The following PHF14 variants were observed in gnomAD, a reference collection of about 807,000 sequenced individuals.
PHF14 encodes the protein PHD finger protein 14.
In PHF14, 55 loss-of-function variants were observed where a neutral mutation model predicts 117.9. The ratio of observed to expected loss-of-function variants is 0.47; its 90% CI spans 0.38 to 0.58. The LOEUF (loss-of-function observed/expected upper bound fraction) is 0.58. PHF14 is among the 20% of genes least tolerant of loss of function. The probability of loss-of-function intolerance (pLI) is 0.00; values close to 1 mark genes in which losing one functional copy is unlikely to be tolerated. For missense variants in PHF14, 978 were observed against 1,122.2 expected (o/e 0.87, Z 1.84); for synonymous variants, 409 against 368.6 (o/e 1.11, Z -1.26).
intron 14 of PHF14, among the ~76,000 whole-genome samples, chr7:11,060,297 GTTAAGT>G (rs911771142): frequency 1.3e-5 from 2 of 152,154 alleles, no homozygotes; most frequent in Non-Finnish European, 2.9e-5. Flanking sequence ...TAAGCTTTGT[GTTAAGT>G]TTAATTGGGT....
At chr7:11,122,550 C>G (rs1787808601) in intron 17 of PHF14, among the ~76,000 whole-genome samples, 2 of 150,618 alleles carry the variant, frequency 1.3e-5, no homozygotes, top group Admixed American at 1.3e-4. Context: ...CTTTCTACCC[C>G]CTGCTGTCCT....
intron 2 of PHF14, among the ~76,000 whole-genome samples, chr7:10,978,943 A>G (rs922281649): frequency 1.3e-5 from 2 of 152,200 alleles, no homozygotes; most frequent in African/African-American, 4.8e-5. Context: ...GTTTTGGTCA[A>G]ACATAGCCCT....
intron 17 of PHF14, among the ~76,000 whole-genome samples, chr7:11,157,674 G>A (rs183799573): frequency 1.3e-5 from 2 of 152,144 alleles, no homozygotes; most frequent in East Asian, 1.9e-4. Context: ...TTTTCTAATG[G>A]TTCTTAAACT....
In PHF14 at chr7:11,135,071, T is replaced by C. The variant is rs977012244; in HGVS notation, c.2772+23604T>C. On this transcript the variant is annotated intron_variant, in intron 17 of 17. Coordinates refer to ENST00000634607, the MANE Select transcript of PHF14 (RefSeq NM_001007157.2). ...ATTGCATCTGTTACAAAATGTTTCC[T>C]GAGAAGTTAGTTTCTTAGATGTACT... Among the ~76,000 whole-genome samples, 9 of 152,266 alleles carry C rather than the reference T, an allele frequency of 5.9e-5. No homozygotes were observed. The East Asian group carries it at 1.7e-3, about 29-fold the overall frequency.
intron 7 of PHF14, among the ~76,000 whole-genome samples, chr7:11,032,613 A>C (rs1727760064): frequency 6.6e-6 from 1 of 152,132 alleles, no homozygotes; most frequent in African/African-American, 2.4e-5. Flanking sequence ...AAAAAAGAAA[A>C]CCTTGAATTT....
At chr7:11,167,280 A>G (rs1303089784) in intron 17 of PHF14, among the ~76,000 whole-genome samples, 2 of 152,182 alleles carry the variant, frequency 1.3e-5, no homozygotes, top group Admixed American at 6.5e-5. Flanking sequence ...ATTAAAGGGT[A>G]TGAGCTTGAT....
intron 7 of PHF14, among the ~76,000 whole-genome samples, chr7:11,031,192 T>C (rs1784109591): frequency 6.7e-6 from 1 of 148,202 alleles, no homozygotes; most frequent in Non-Finnish European, 1.5e-5. Flanking sequence ...TATAGGCTGT[T>C]AAAAAAAAAA....
intron 5 of PHF14, among the ~76,000 whole-genome samples, chr7:11,021,718 C>T (rs1027073762): frequency 6.6e-6 from 1 of 152,050 alleles, no homozygotes; most frequent in Non-Finnish European, 1.5e-5. Context: ...TATTGAACTC[C>T]ATAGGATGTA....
chr7:11,142,439 C>G (rs1788426130), intron 17 of PHF14, among the ~76,000 whole-genome samples: 2 of 151,926 alleles, frequency 1.3e-5, no homozygotes. Context: ...TAGAATAAGT[C>G]TGAAGTATCA....
rs536727817 is a variant in PHF14, at chr7:11,069,681, C to T, written c.2654+7596C>T. ...CCTCCCTTTCCGTCCCCTCCCTTTC[C>T]CTTCCTTCCTTCCTTCCTTCTTTCT... On this transcript the variant is annotated intron_variant, in intron 16 of 17. Transcript: ENST00000634607. Among the ~76,000 whole-genome samples the T allele has an allele frequency of 2.2e-4, 22 of 100,830 alleles. 1 individual carries two copies. The South Asian group carries it at 0.01, about 46-fold the overall frequency. The allele number at this position is 100,830 out of a possible 152,430, so 66.1% of individuals were successfully genotyped here. A position where few individuals can be genotyped will look rare whatever the true frequency, so the allele number is the denominator to read the frequency against.
At chr7:10,976,216 A>C (rs911548195) in intron 2 of PHF14, among the ~76,000 whole-genome samples, 1 of 152,194 alleles carries the variant, frequency 6.6e-6, no homozygotes, top group African/African-American at 2.4e-5. Context: ...ATCCGCAGCA[A>C]TCAAAAATTG....
chr7:11,150,695 G>C (rs1179913448), intron 17 of PHF14, among the ~76,000 whole-genome samples: 1 of 152,078 alleles, frequency 6.6e-6, no homozygotes. Context: ...CAGCTTTCTA[G>C]AAATCAGCAT....
intron 12 of PHF14, among the ~76,000 whole-genome samples, chr7:11,041,324 A>G (rs1483630420): frequency 1.3e-5 from 2 of 151,866 alleles, no homozygotes; most frequent in African/African-American, 4.8e-5. Context: ...TAGTAATTTT[A>G]TTATAGTCAA....
rs1008388745 is a variant in PHF14 at position 11,051,664 on chromosome 7, G to T, written c.2365G>T (p.Ala789Ser). Residue 789 changes from alanine (A) to serine (S), a missense_variant, in exon 14 of 18, where the codon GCC becomes TCC. Physicochemically the swap from Ala to Ser is moderately conservative, Grantham distance 99. Transcript: ENST00000634607. ...GAGCAGTGACATGGAAGCAGATATGGCCATGGAAACCCTACCAGATGGAAC... is the reference window on the plus strand; with the variant it reads ...GAGCAGTGACATGGAAGCAGATATGTCCATGGAAACCCTACCAGATGGAAC... ...AGSSDMEADM[A>S]METLPDGTKR... 1.2e-5 allele frequency: 20 copies of T among 1,613,486 alleles called. No homozygotes were observed. The highest frequency in any genetic ancestry group is 1.7e-5 in the Non-Finnish European group (20 of 1,179,690).
At chr7:11,155,773 G>GTTTTTTTTTTTTGT (rs369861089) in intron 17 of PHF14, among the ~76,000 whole-genome samples, 2 of 147,388 alleles carry the variant, frequency 1.4e-5, no homozygotes, top group African/African-American at 5.0e-5. Context: ...TTTTTTTTTT[G>GTTTTTTTTTTTTGT]TTTTTTTTTA....
intron 17 of PHF14, among the ~76,000 whole-genome samples, chr7:11,144,597 ATATT>A (rs1788495844): frequency 1.3e-5 from 2 of 148,322 alleles, no homozygotes; most frequent in Non-Finnish European, 3.0e-5. Flanking sequence ...TTAATGTAAT[ATATT>A]TATATAATAA....
At chr7:11,147,567 C>G (rs984627907) in intron 17 of PHF14, among the ~76,000 whole-genome samples, 2 of 152,266 alleles carry the variant, frequency 1.3e-5, no homozygotes, top group Non-Finnish European at 2.9e-5. Flanking sequence ...CTTACTTGAC[C>G]TCTCAATGTT....
At chr7:11,015,897 T>G (rs1206513253) in intron 5 of PHF14, among the ~76,000 whole-genome samples, 1 of 151,628 alleles carries the variant, frequency 6.6e-6, no homozygotes, top group Non-Finnish European at 1.5e-5. Flanking sequence ...GGTGAATAAG[T>G]AAGGCAGTTT....
At chr7:11,064,915 T>A (rs866959991) in intron 16 of PHF14, among the ~76,000 whole-genome samples, 1 of 152,024 alleles carries the variant, frequency 6.6e-6, no homozygotes, top group South Asian at 2.1e-4. Context: ...GTTCTTTCCA[T>A]ATAAAATGTT....
Sources: allele counts gnomAD v4.1 joint callset (sites outside exome capture counted in the v4.1 genomes callset), GRCh38; gene constraint gnomAD v4.1.1; transcripts MANE v1.5; gene names NCBI Gene and HGNC (gene_info 2026-07-23, HGNC 2026-07-21).